FYN: variants seen among roughly 807,000 people sequenced by gnomAD.
FYN encodes tyrosine-protein kinase Fyn.
Under a neutral mutation model 70.2 loss-of-function variants are expected in FYN, and 10 were observed. That is an observed-to-expected ratio of 0.14 (90% CI 0.09 to 0.24). FYN has a LOEUF of 0.24. Among genes scored for constraint, FYN ranks in the 10% least tolerant of loss-of-function variants. FYN has a pLI of 1.00. For missense variants in FYN, 319 were observed against 673.1 expected, an observed-to-expected ratio of 0.47 and a Z score of 5.82; for synonymous variants, 236 against 248.6, an observed-to-expected ratio of 0.95 and a Z score of 0.48.
At chr6:111,862,986 A>T (rs1774007137) in intron 1 of FYN, among the ~76,000 whole-genome samples, 1 of 152,260 alleles carries the variant, frequency 6.6e-6, no homozygotes, top group South Asian at 2.1e-4. Context: ...AGCATCTGCT[A>T]AATGAGGTGA....
At chr6:111,857,274 T>C (rs1773846816) in intron 1 of FYN, among the ~76,000 whole-genome samples, 1 of 152,154 alleles carries the variant, frequency 6.6e-6, no homozygotes, top group Non-Finnish European at 1.5e-5. Flanking sequence ...TCACAGTAAA[T>C]TCATTAGAGA....
At chr6:111,766,639 G>C (rs151141343) in intron 3 of FYN, among the ~76,000 whole-genome samples, 2 of 152,318 alleles carry the variant, frequency 1.3e-5, no homozygotes, top group East Asian at 3.9e-4. Context: ...AATCATGGCA[G>C]AAGGGGAAGC....
intron 2 of FYN, among the ~76,000 whole-genome samples, chr6:111,784,789 A>C (rs1481757087): frequency 6.6e-6 from 1 of 152,224 alleles, no homozygotes; most frequent in Non-Finnish European, 1.5e-5. Context: ...AAAAAAAATA[A>C]AAGAGCCAGC....
At chr6:111,674,419 G>C (rs1583290865) in intron 13 of FYN, 80 bp downstream of exon 13, 1 of 1,478,986 alleles carries the variant, frequency 6.8e-7, no homozygotes, top group South Asian at 1.3e-5. Context: ...GGCTTAGAAA[G>C]CAAAGTGGAT....
At chr6:111,754,269 G>A (rs706915) in intron 3 of FYN, among the ~76,000 whole-genome samples, 142,375 of 152,190 alleles carry the variant, frequency 0.94, 66,802 homozygotes, top group East Asian at 1. Flanking sequence ...TGATGGTTGG[G>A]AAGAATCATT....
At chr6:111,693,743 A>T (rs905492002) in intron 12 of FYN, among the ~76,000 whole-genome samples, 30 of 152,028 alleles carry the variant, frequency 2.0e-4, no homozygotes, top group African/African-American at 7.2e-4. Flanking sequence ...CTGGACCCAT[A>T]AGGATTCATC....
At chr6:111,751,393 G>A (rs1434384971) in intron 3 of FYN, among the ~76,000 whole-genome samples, 1 of 152,026 alleles carries the variant, frequency 6.6e-6, no homozygotes, top group Non-Finnish European at 1.5e-5. Flanking sequence ...TTGTCCTGGG[G>A]CTTAATGTCT....
chr6:111,802,940 A>C (rs1470914045), intron 2 of FYN, among the ~76,000 whole-genome samples: 2 of 152,228 alleles, frequency 1.3e-5, no homozygotes, highest in Non-Finnish European at 2.9e-5. Context: ...TCAATCATAC[A>C]TGATTTTCTT....
chr6:111,666,860 T>C lies in FYN; in HGVS notation c.1406-4913A>G, dbSNP rs1022860910. ...CGCTGTGTGGGGGTCTGCCTTCGAG[T>C]CCCTCTTTCCCAGAGCCTCCATGGA... On this transcript the variant is annotated intron_variant, in intron 13 of 13. Transcript: ENST00000354650. Among the ~76,000 whole-genome samples, 31 of 151,996 alleles carry C rather than the reference T, an allele frequency of 2.0e-4. No homozygotes were observed. In the East Asian group the frequency reaches 5.2e-3, roughly 26 times the overall value.
intron 2 of FYN, among the ~76,000 whole-genome samples, chr6:111,829,189 A>G (rs1016159490): frequency 6.6e-6 from 1 of 152,208 alleles, no homozygotes; most frequent in African/African-American, 2.4e-5. Context: ...CTGAAGTCAG[A>G]TTTTCAAAAC....
chr6:111,772,344 C>G (rs1803484414), intron 3 of FYN, among the ~76,000 whole-genome samples: 1 of 152,098 alleles, frequency 6.6e-6, no homozygotes, highest in African/African-American at 2.4e-5. Context: ...AGACAATATT[C>G]CAAAGTAATA....
intron 2 of FYN, among the ~76,000 whole-genome samples, chr6:111,806,227 G>A (rs1239354070): frequency 1.3e-5 from 2 of 152,108 alleles, no homozygotes; most frequent in Non-Finnish European, 2.9e-5. Flanking sequence ...GTAACTCCTG[G>A]AACCTGGACG....
At position 111,719,957 on chromosome 6, in the gene FYN, G is replaced by C. The variant is rs1800853492; in HGVS notation, c.95C>G (p.Thr32Arg). ...GGGGTAGTGCTGAGGGGTGGGGTCT[G>C]TGCCATAGCGGTACCCAGAGCTCTG... The part of the protein sequence containing the change: ...LNQSSGYRYG[T>R]DPTPQHYPSF... The change falls in exon 4 of 14, where the codon ACA becomes AGA. Residue 32 changes from threonine (T) to arginine (R), a missense_variant. This residue lies in a region of FYN where 128 missense variants were observed against 183.9 expected (regional missense o/e 0.70). Transcript: ENST00000354650. 1 of 1,614,078 alleles carries C rather than the reference G, an allele frequency of 6.2e-7. No homozygotes were observed. The highest frequency in any genetic ancestry group is 8.5e-7 in the Non-Finnish European group (1 of 1,180,038).
chr6:111,815,173 T>TA (rs77921534), intron 2 of FYN, among the ~76,000 whole-genome samples: 5,431 of 152,256 alleles, frequency 0.036, 142 homozygotes, highest in East Asian at 0.14. Flanking sequence ...AGCAGACACC[T>TA]ATTCAGGCAG....
At chr6:111,742,432 A>G (rs1802018443) in intron 3 of FYN, among the ~76,000 whole-genome samples, 1 of 152,340 alleles carries the variant, frequency 6.6e-6, no homozygotes, top group African/African-American at 2.4e-5. Flanking sequence ...TTAACATCCA[A>G]TCATTTCTCT....
chr6:111,699,763 G>T lies in FYN; in HGVS notation c.862+341C>A. The T allele has an allele frequency of 1.2e-5, 15 of 1,203,890 alleles. No individual in the cohort carries two copies. In the South Asian group the frequency reaches 2.3e-4, roughly 19 times the overall value. 74.6% of individuals were successfully genotyped at this position (1,203,890 alleles called of 1,614,324 possible). A position where few individuals can be genotyped will look rare whatever the true frequency, so the allele number is the denominator to read the frequency against. ...AGATGGAAGGTGACTTGCCCGTTAG[G>T]ATGACACTCAACAAATATTTGCTTT... On this transcript the variant is annotated intron_variant, in intron 9 of 13. Transcript: ENST00000354650.
At chr6:111,711,881 G>T (rs1251144215) in intron 5 of FYN, among the ~76,000 whole-genome samples, 3 of 152,160 alleles carry the variant, frequency 2.0e-5, no homozygotes, top group Admixed American at 6.5e-5. Flanking sequence ...CCTTGAGAAA[G>T]GGAATTTTAA....
At chr6:111,798,669 G>A (rs920284580) in intron 2 of FYN, among the ~76,000 whole-genome samples, 1 of 152,152 alleles carries the variant, frequency 6.6e-6, no homozygotes, top group African/African-American at 2.4e-5. Context: ...ACCCTTCCTG[G>A]ATGTGTGGCT....
At chr6:111,805,815 C>G (rs1007448929) in intron 2 of FYN, among the ~76,000 whole-genome samples, 1 of 152,010 alleles carries the variant, frequency 6.6e-6, no homozygotes, top group Admixed American at 6.6e-5. Context: ...TTTACAACCT[C>G]AAATTAAAAT....
Sources: allele counts gnomAD v4.1 joint callset (sites outside exome capture counted in the v4.1 genomes callset), GRCh38; gene constraint gnomAD v4.1.1; regional missense constraint gnomAD v4.1.1; transcripts MANE v1.5; gene names NCBI Gene and HGNC (gene_info 2026-07-23, HGNC 2026-07-21).